The following AP1S3 variants were observed in gnomAD, a reference collection of about 807,000 sequenced individuals.
The protein encoded by AP1S3 is AP-1 complex subunit sigma-3.
In AP1S3, 10 loss-of-function variants were observed where a neutral mutation model predicts 20.9. The ratio of observed to expected loss-of-function variants is 0.48; its 90% CI spans 0.29 to 0.81. The LOEUF (loss-of-function observed/expected upper bound fraction) is 0.81. Among genes scored for constraint, AP1S3 ranks in the 30% least tolerant of loss-of-function variants. AP1S3 has a pLI of 0.08. For synonymous variants in AP1S3, 41 were observed against 61.5 expected (o/e 0.67, Z 1.56); for missense variants, 154 against 183.8 (o/e 0.84, Z 0.94).
In AP1S3 at chr2:223,755,722, G is replaced by C; in HGVS notation, c.*2993C>G. The C allele has an allele frequency of 2.3e-6, 1 of 441,116 alleles. No homozygotes were observed. The highest frequency in any genetic ancestry group is 3.0e-6 in the Non-Finnish European group (1 of 332,410). 27.3% of individuals were successfully genotyped at this position (441,116 alleles called of 1,614,324 possible). On this transcript the variant is annotated 3_prime_UTR_variant, in exon 5 of 5. Transcript: ENST00000396654. ...ATTTTTGAATTTTTAGTAGAGACAG[G>C]GTTTCACCATGTTGGCCAGGCTGGT... is the stretch of plus-strand genomic sequence containing the variant.
At chr2:223,759,897 G>T (rs1690312018) in intron 4 of AP1S3, among the ~76,000 whole-genome samples, 1 of 152,094 alleles carries the variant, frequency 6.6e-6, no homozygotes, top group Non-Finnish European at 1.5e-5. Context: ...GCACTAGTTT[G>T]CTCAGAATGA....
At chr2:223,800,629 A>G (rs1370514573) in intron 1 of AP1S3, among the ~76,000 whole-genome samples, 4 of 152,206 alleles carry the variant, frequency 2.6e-5, no homozygotes, top group African/African-American at 4.8e-5. Context: ...ATTTGAGAAA[A>G]CTGAACATCA....
chr2:223,766,969 C>T (rs75887694), intron 3 of AP1S3, among the ~76,000 whole-genome samples: 2 of 151,654 alleles, frequency 1.3e-5, no homozygotes, highest in South Asian at 4.2e-4. Context: ...AAACCAAACA[C>T]GGCATGTTCT....
chr2:223,805,652 T>C (rs931948990), intron 1 of AP1S3, among the ~76,000 whole-genome samples: 1 of 152,234 alleles, frequency 6.6e-6, no homozygotes, highest in Non-Finnish European at 1.5e-5. Flanking sequence ...AGCCTTATTA[T>C]AGTTCAGAAC....
intron 1 of AP1S3, among the ~76,000 whole-genome samples, chr2:223,790,298 C>G (rs990087362): frequency 6.7e-6 from 1 of 148,446 alleles, no homozygotes; most frequent in African/African-American, 2.5e-5. Flanking sequence ...GTGGCATGAT[C>G]TCAGCTCACT....
intron 1 of AP1S3, among the ~76,000 whole-genome samples, chr2:223,836,347 C>T (rs532653265): frequency 7.9e-5 from 12 of 152,292 alleles, no homozygotes; most frequent in African/African-American, 2.9e-4. Context: ...TGCAGGTCAC[C>T]AGATCTCTCA....
Position 223,758,179 on chromosome 2 carries a change from A to G in AP1S3, c.*536T>C, listed in dbSNP as rs562325982. ...AATGAATTCAGCACATTAAAATCAG[A>G]CATTTTGTATGTGAATTGCAGTTAC... On this transcript the variant is annotated 3_prime_UTR_variant, in exon 5 of 5. Transcript: ENST00000396654. 4.1e-4 allele frequency: 398 copies of G among 981,234 alleles called. No homozygotes were observed. In the South Asian group the frequency reaches 4.5e-3, roughly 11 times the overall value. The allele number at this position is 981,234 out of a possible 1,614,324, so 60.8% of individuals were successfully genotyped here.
At chr2:223,834,887 A>G (rs6747195) in intron 1 of AP1S3, among the ~76,000 whole-genome samples, 23,331 of 152,190 alleles carry the variant, frequency 0.15, 2,335 homozygotes, top group East Asian at 0.41. Flanking sequence ...ACTGTTTTAC[A>G]ATTTTGCAAA....
chr2:223,802,134 G>A (rs1271441302), intron 1 of AP1S3, among the ~76,000 whole-genome samples: 1 of 152,064 alleles, frequency 6.6e-6, no homozygotes, highest in Non-Finnish European at 1.5e-5. Context: ...TTGAGAGGAG[G>A]AGCCATTACT....
At chr2:223,837,417 C>G in intron 1 of AP1S3, 31 bp downstream of exon 1, 1 of 1,212,950 alleles carries the variant, frequency 8.2e-7, no homozygotes, top group Non-Finnish European at 1.0e-6. Flanking sequence ...CCCCCACCGC[C>G]TACCCGGGCC....
At chr2:223,799,923 A>G (rs1691426659) in intron 1 of AP1S3, among the ~76,000 whole-genome samples, 1 of 152,112 alleles carries the variant, frequency 6.6e-6, no homozygotes, top group African/African-American at 2.4e-5. Flanking sequence ...AAATCAATTA[A>G]TGTATGGCCA....
chr2:223,782,374 T>C (rs973304358), intron 1 of AP1S3, among the ~76,000 whole-genome samples: 1 of 152,212 alleles, frequency 6.6e-6, no homozygotes, highest in African/African-American at 2.4e-5. Flanking sequence ...TTATGTCTTC[T>C]GTTTATTGGT....
intron 1 of AP1S3, among the ~76,000 whole-genome samples, chr2:223,826,016 A>G (rs1419948018): frequency 1.3e-5 from 2 of 152,222 alleles, no homozygotes; most frequent in African/African-American, 4.8e-5. Context: ...ACTCTGTCTC[A>G]AAAAGAACAC....
intron 4 of AP1S3, among the ~76,000 whole-genome samples, chr2:223,761,902 A>G (rs1276233362): frequency 6.6e-6 from 1 of 151,868 alleles, no homozygotes; most frequent in African/African-American, 2.4e-5. Context: ...TTGGGGTAAA[A>G]TATCTACTGT....
chr2:223,770,727 AT>A (rs764596538), intron 3 of AP1S3, among the ~76,000 whole-genome samples: 77 of 115,306 alleles, frequency 6.7e-4, no homozygotes, highest in Non-Finnish European at 6.4e-4. Context: ...AGACCAGTTC[AT>A]TTTTTTTTTT....
chr2:223,809,110 G>GAT (rs1265041337), intron 1 of AP1S3, among the ~76,000 whole-genome samples: 1 of 152,202 alleles, frequency 6.6e-6, no homozygotes, highest in East Asian at 1.9e-4. Flanking sequence ...ATAATAGTTA[G>GAT]ATTTGTCTTT....
chr2:223,805,745 G>A (rs1691564170), intron 1 of AP1S3, among the ~76,000 whole-genome samples: 2 of 152,278 alleles, frequency 1.3e-5, no homozygotes, highest in Admixed American at 6.5e-5. Flanking sequence ...GCTTTGCTTT[G>A]AAGTTTCAGT....
At chr2:223,768,154 C>T (rs1690526550) in intron 3 of AP1S3, among the ~76,000 whole-genome samples, 2 of 152,142 alleles carry the variant, frequency 1.3e-5, no homozygotes, top group African/African-American at 4.8e-5. Flanking sequence ...ATTTCCCGTG[C>T]CAGTTCTCAT....
At chr2:223,832,646 T>C (rs552730441) in intron 1 of AP1S3, among the ~76,000 whole-genome samples, 1 of 152,102 alleles carries the variant, frequency 6.6e-6, no homozygotes, top group East Asian at 1.9e-4. Context: ...GCCAAAATCA[T>C]TACATGCTTA....
Sources: allele counts gnomAD v4.1 joint callset (sites outside exome capture counted in the v4.1 genomes callset), GRCh38; gene constraint gnomAD v4.1.1; transcripts MANE v1.5; gene names NCBI Gene and HGNC (gene_info 2026-07-23, HGNC 2026-07-21).